Variants in PCDHGB4 observed in about 807,000 individuals in gnomAD.
The protein encoded by PCDHGB4 is protocadherin gamma subfamily B, 4, also known as protocadherin gamma-B4.
Under a neutral mutation model 60.5 loss-of-function variants are expected in PCDHGB4, and 38 were observed. That is an observed-to-expected ratio of 0.63 (90% confidence interval 0.48 to 0.82). The LOEUF is 0.82. Among genes scored for constraint, PCDHGB4 ranks in the 40% least tolerant of loss-of-function variants. The pLI, the probability that PCDHGB4 is intolerant of heterozygous loss-of-function variation, is 0.00. For missense variants in PCDHGB4, 1,109 were observed against 1,209.6 expected (o/e 0.92, Z 1.23); for synonymous variants, 456 against 509.7 (o/e 0.89, Z 1.42).
Position 141,486,558 on chromosome 5 carries a change from T to C in PCDHGB4, c.2398-8249T>C, listed in dbSNP as rs544575797. 1 of 1,614,034 alleles carries C rather than the reference T, an allele frequency of 6.2e-7. No homozygotes were observed. Among genetic ancestry groups the C allele is most frequent in the Non-Finnish European group, 8.5e-7 (1 of 1,180,012 alleles). ...TCTTTCTTTCAGAGGTCACATGAGG[T>C]GTTTGTTCCTGAGAACAATCGCCCA... On this transcript the variant is annotated intron_variant, in intron 1 of 3. Coordinates refer to ENST00000519479, the MANE Select transcript of PCDHGB4 (RefSeq NM_003736.4). This position sits in a 1 kb window ranked among gnomAD's most constrained non-coding sequence, Gnocchi z 5.0.
intron 1 of PCDHGB4, chr5:141,399,985 G>A (rs775731140): frequency 6.2e-7 from 1 of 1,612,396 alleles, no homozygotes; most frequent in South Asian, 1.1e-5. Flanking sequence ...GCTGCGCACA[G>A]GAGAGGTGCG....
In PCDHGB4 at chr5:141,408,459, T is replaced by A; in HGVS notation, c.2397+18178T>A. 5 of 1,613,950 alleles carry A rather than the reference T, an allele frequency of 3.1e-6. No homozygotes were observed. The East Asian group carries it at 1.1e-4, about 36-fold the overall frequency. Reference sequence around the variant, plus strand: ...GACGCGGAGAGCGGGGACTTACTTGTGAAGAACCGAATAGACCGTGAGCAA... The same window carrying A: ...GACGCGGAGAGCGGGGACTTACTTGAGAAGAACCGAATAGACCGTGAGCAA... On this transcript the variant is annotated intron_variant, in intron 1 of 3. Transcript: ENST00000519479.
At chr5:141,422,957 A>C in intron 1 of PCDHGB4, 1 of 1,614,190 alleles carries the variant, frequency 6.2e-7, no homozygotes. Flanking sequence ...ACTGGCGTGG[A>C]GCTGGCGCCC....
In PCDHGB4 at chr5:141,390,276, C is replaced by G. The variant is rs1475873829; in HGVS notation, c.2392C>G (p.His798Asp). 3.1e-6 allele frequency: 5 copies of G among 1,613,990 alleles called. No homozygotes were observed. The highest frequency in any genetic ancestry group is 4.2e-6 in the Non-Finnish European group (5 of 1,179,876). The change falls in exon 1 of 4, where the codon CAT (histidine) becomes GAT (aspartate). Residue 798 changes from histidine to aspartate, a missense_variant. Physicochemically the swap from His to Asp is moderately conservative, Grantham distance 81. Transcript: ENST00000519479. ...PLCNSSELTS[H>D]QQAPPNTDWR... is the part of the protein sequence containing the mutation. ...TTGTAATTCCAGTGAATTGACTTCC[C>G]ATCAGGTGAGTTTCCTTTAAGTATA...
At position 141,476,717 on chromosome 5, in the gene PCDHGB4, G is replaced by A. The variant is rs2099397053; in HGVS notation, c.2398-18090G>A. 6.2e-7 allele frequency: 1 copy of A among 1,614,048 alleles called. No homozygotes were observed. The stretch of plus-strand genomic sequence containing the variant: ...GTACGCGGAGCTGGTGTTGGAGCGC[G>A]CCCTGGACCGAGAACGGGAGCCTAG... On this transcript the variant is annotated intron_variant, in intron 1 of 3. Transcript: ENST00000519479. This position sits in a 1 kb window ranked among gnomAD's most constrained non-coding sequence, Gnocchi z 7.6.
intron 1 of PCDHGB4, chr5:141,399,478 G>T (rs367753385): frequency 2.0e-5 from 32 of 1,613,894 alleles, no homozygotes; most frequent in Non-Finnish European, 2.6e-5. Context: ...TTTCCACCAG[G>T]CGTCCTACTT....
At position 141,413,510 on chromosome 5, in the gene PCDHGB4, T is replaced by G. The variant is rs372002880; in HGVS notation, c.2397+23229T>G. On this transcript the variant is annotated intron_variant, in intron 1 of 3. Transcript: ENST00000519479. ...GCGCGGTGCGTGGTGAGTTTTAATA[T>G]CCTTGTGGAAGACAGGGTGAAACTT... The G allele has an allele frequency of 5.4e-5, 87 of 1,613,876 alleles. No individual in the cohort carries two copies. Among genetic ancestry groups the G allele is most frequent in the Middle Eastern group, 1.6e-4 (1 of 6,084 alleles).
At chr5:141,509,551 C>T (rs2099877337) in intron 3 of PCDHGB4, among the ~76,000 whole-genome samples, 1 of 152,164 alleles carries the variant, frequency 6.6e-6, no homozygotes, top group South Asian at 2.1e-4. Context: ...CTCATTTAGT[C>T]CTCACAGCAG....
chr5:141,398,787 A>T, intron 1 of PCDHGB4: 1 of 1,613,902 alleles, frequency 6.2e-7, no homozygotes, highest in African/African-American at 1.3e-5. Flanking sequence ...GTGGACATCC[A>T]CCCCTAAGCG....
chr5:141,424,391 C>T (rs2096818270), intron 1 of PCDHGB4: 1 of 152,106 alleles, frequency 6.6e-6, no homozygotes, highest in South Asian at 2.1e-4. Flanking sequence ...GATGTCTTTT[C>T]CATTACTATG....
At position 141,419,994 on chromosome 5, in the gene PCDHGB4, C is replaced by T. The variant is rs757658202; in HGVS notation, c.2397+29713C>T. 1.9e-6 allele frequency: 3 copies of T among 1,614,072 alleles called. No homozygotes were observed. Among genetic ancestry groups the T allele is most frequent in the East Asian group, 4.5e-5 (2 of 44,884 alleles). ...CTCCTCGCGGTGATTCTAGCTATTG[C>T]TCTACGCCTGCGACAGTCTTTCAGC... On this transcript the variant is annotated intron_variant, in intron 1 of 3. Coordinates refer to ENST00000519479, the MANE Select transcript of PCDHGB4 (RefSeq NM_003736.4).
chr5:141,507,736 G>A (rs1562231670), intron 3 of PCDHGB4, among the ~76,000 whole-genome samples: 1 of 152,240 alleles, frequency 6.6e-6, no homozygotes. Flanking sequence ...CATGCAGCTC[G>A]TTCCCCTGTC....
chr5:141,394,961 G>A, intron 1 of PCDHGB4: 1 of 1,613,920 alleles, frequency 6.2e-7, no homozygotes, highest in Non-Finnish European at 8.5e-7. Flanking sequence ...GGCTCAGGCT[G>A]AGGCGCTGGC....
intron 1 of PCDHGB4, among the ~76,000 whole-genome samples, chr5:141,448,196 A>G (rs753761675): frequency 1.3e-5 from 2 of 152,176 alleles, no homozygotes; most frequent in Non-Finnish European, 2.9e-5. Context: ...TACACTTACA[A>G]ACATTTTCTG....
At chr5:141,418,566 A>G (rs2096269931) in intron 1 of PCDHGB4, 2 of 1,614,054 alleles carry the variant, frequency 1.2e-6, no homozygotes, top group South Asian at 1.1e-5. Context: ...ATAGATGCCA[A>G]TGACAACCCC....
intron 1 of PCDHGB4, chr5:141,408,586 C>G: frequency 6.2e-7 from 1 of 1,613,976 alleles, no homozygotes; most frequent in Non-Finnish European, 8.5e-7. Context: ...ATGTTAATGA[C>G]CACGCCCCTC....
In PCDHGB4 at chr5:141,490,598, G is replaced by A. The variant is rs141484080; in HGVS notation, c.2398-4209G>A. On this transcript the variant is annotated intron_variant, in intron 1 of 3. Transcript: ENST00000519479. This position sits in a 1 kb window ranked among gnomAD's most constrained non-coding sequence, Gnocchi z 5.4. ...TCAGATGTCAATGACAATGCACCCC[G>A]CTTCAACCAGCAGCTTTACACTGCT... 309 of 1,614,062 alleles carry A rather than the reference G, an allele frequency of 1.9e-4. 2 individuals carry two copies. Among genetic ancestry groups the A allele is most frequent in the Admixed American group, 5.0e-4 (30 of 60,018 alleles).
rs951185891 is a variant in PCDHGB4, at chr5:141,494,814, C to T, written c.2405C>T (p.Pro802Leu). 7 of 1,614,152 alleles carry T rather than the reference C, an allele frequency of 4.3e-6. No individual in the cohort carries two copies. The highest frequency in any genetic ancestry group is 1.7e-5 in the Admixed American group (1 of 60,024). Residue 802 changes from proline to leucine, a missense_variant, in exon 2 of 4, where the codon CCG becomes CTG. By Grantham distance (98) the Pro-to-Leu change is moderately conservative (BLOSUM62 -3). Transcript: ENST00000519479. The part of the protein sequence containing the change: ...SSELTSHQQA[P>L]PNTDWRFSQA... ...CCTCTGTTTTCTCCACAGCAAGCCCCGCCCAACACGGACTGGCGTTTCTCT... is the reference window on the plus strand; with the variant it reads ...CCTCTGTTTTCTCCACAGCAAGCCCTGCCCAACACGGACTGGCGTTTCTCT...
At chr5:141,437,338 C>T (rs1328789308) in intron 1 of PCDHGB4, among the ~76,000 whole-genome samples, 1 of 152,196 alleles carries the variant, frequency 6.6e-6, no homozygotes, top group Non-Finnish European at 1.5e-5. Flanking sequence ...TGTAGCTTCA[C>T]TGTTTTATAG....
Sources: allele counts gnomAD v4.1 joint callset (sites outside exome capture counted in the v4.1 genomes callset), GRCh38; gene constraint gnomAD v4.1.1; non-coding constraint Gnocchi (gnomAD v3.1); transcripts MANE v1.5; gene names NCBI Gene and HGNC (gene_info 2026-07-23, HGNC 2026-07-21).